MAP2: variants seen among roughly 807,000 people sequenced by gnomAD.
MAP2 encodes microtubule-associated protein 2.
MAP2 carries 14 observed loss-of-function variants against 137.6 expected under a neutral mutation model. The observed-to-expected ratio is 0.10, with a 90% CI of 0.07 to 0.16. The LOEUF (loss-of-function observed/expected upper bound fraction) is 0.16. Ranked by LOEUF, MAP2 falls within the 10% of genes least tolerant of loss-of-function variation. The pLI is 1.00. For missense variants in MAP2, 2,088 were observed against 2,191.5 expected (o/e 0.95, Z 0.94); for synonymous variants, 786 against 782.3 (o/e 1.00, Z -0.08).
intron 2 of MAP2, among the ~76,000 whole-genome samples, chr2:209,525,853 G>C (rs2063958296): frequency 6.6e-6 from 1 of 152,078 alleles, no homozygotes; most frequent in African/African-American, 2.4e-5. Context: ...TCCTAAGAAA[G>C]TCTGGGGAAA....
chr2:209,685,356 G>A (rs765726149), intron 7 of MAP2, among the ~76,000 whole-genome samples: 4 of 152,044 alleles, frequency 2.6e-5, no homozygotes, highest in Admixed American at 6.5e-5. Flanking sequence ...TGCATTGGGA[G>A]TGATCCAGAT....
intron 2 of MAP2, among the ~76,000 whole-genome samples, chr2:209,558,997 G>A (rs2071345475): frequency 6.6e-6 from 1 of 151,982 alleles, no homozygotes; most frequent in Non-Finnish European, 1.5e-5. Context: ...ATACTTCAAG[G>A]CCATGGGAAT....
chr2:209,524,252 A>C (rs998263606), intron 2 of MAP2, among the ~76,000 whole-genome samples: 1 of 152,154 alleles, frequency 6.6e-6, no homozygotes, highest in East Asian at 1.9e-4. Flanking sequence ...CAATTTTAAT[A>C]GTTATTTGTA....
At chr2:209,720,082 G>A (rs571448697) in intron 13 of MAP2, among the ~76,000 whole-genome samples, 1 of 152,256 alleles carries the variant, frequency 6.6e-6, no homozygotes, top group African/African-American at 2.4e-5. Flanking sequence ...ATAGAATATA[G>A]CAGAGTCTGG....
Position 209,730,534 on chromosome 2 carries a change from CA to C in MAP2, c.*139del. On this transcript the variant is annotated 3_prime_UTR_variant, in exon 16 of 16. Transcript: ENST00000682079. ...CATCCCCAAACTGTAGTAATTGTTACAATTTTCTATTTAAAAAATGAATAGT... is the reference window on the plus strand; with the variant it reads ...CATCCCCAAACTGTAGTAATTGTTACATTTTCTATTTAAAAAATGAATAGT... 1.5e-6 allele frequency: 1 copy of C among 662,030 alleles called. No individual in the cohort carries two copies. Among genetic ancestry groups the C allele is most frequent in the Non-Finnish European group, 2.5e-6 (1 of 393,124 alleles). 41.0% of individuals were successfully genotyped at this position (662,030 alleles called of 1,614,324 possible). A position where few individuals can be genotyped will look rare whatever the true frequency, so the allele number is the denominator to read the frequency against.
chr2:209,705,653 G>T lies in MAP2; in HGVS notation c.4658G>T (p.Gly1553Val), dbSNP rs2063180196. The change falls in exon 12 of 16, where the codon GGT (glycine) becomes GTT (valine). Residue 1553 changes from glycine to valine, a missense_variant. This residue lies in a region of MAP2 where 591 missense variants were observed against 642.6 expected (regional missense o/e 0.92). Transcript: ENST00000682079. ...TCCTCCATTCTCCCTCCTCGGCGAG[G>T]TGTGTCAGGAGACAGAGATGAGAAT... ...RPSSILPPRR[G>V]VSGDRDENSF... The T allele has an allele frequency of 6.2e-7, 1 of 1,613,298 alleles. No individual in the cohort carries two copies. Among genetic ancestry groups the T allele is most frequent in the Non-Finnish European group, 8.5e-7 (1 of 1,179,456 alleles).
intron 1 of MAP2, among the ~76,000 whole-genome samples, chr2:209,471,195 A>G (rs1705625955): frequency 6.6e-6 from 1 of 152,124 alleles, no homozygotes; most frequent in African/African-American, 2.4e-5. Context: ...CTTCTAGTTC[A>G]CATTCTCACC....
At chr2:209,446,218 T>G (rs1324558985) in intron 1 of MAP2, among the ~76,000 whole-genome samples, 1 of 151,856 alleles carries the variant, frequency 6.6e-6, no homozygotes, top group Non-Finnish European at 1.5e-5. Context: ...CATACATTGC[T>G]AAATGTGGTT....
chr2:209,596,229 A>T (rs1032444433), intron 3 of MAP2, among the ~76,000 whole-genome samples: 21 of 152,200 alleles, frequency 1.4e-4, no homozygotes, highest in African/African-American at 5.1e-4. Flanking sequence ...ACTTCAACGT[A>T]CTGGAAACCA....
chr2:209,631,040 G>C (rs1274005979), intron 4 of MAP2, among the ~76,000 whole-genome samples: 1 of 59,990 alleles, frequency 1.7e-5, no homozygotes, highest in Non-Finnish European at 4.7e-5. Context: ...AAAAAAGAGA[G>C]AGAGAGAGCG....
intron 1 of MAP2, among the ~76,000 whole-genome samples, chr2:209,478,485 G>A (rs551589291): frequency 1.6e-4 from 25 of 152,194 alleles, no homozygotes; most frequent in Admixed American, 1.0e-3. Context: ...AATGTATCTG[G>A]ATATTTGAAA....
intron 2 of MAP2, among the ~76,000 whole-genome samples, chr2:209,548,511 A>T (rs1189452416): frequency 1.3e-5 from 2 of 152,212 alleles, no homozygotes; most frequent in Non-Finnish European, 2.9e-5. Context: ...TTCAGATGTC[A>T]TAGAAATGAC....
intron 4 of MAP2, among the ~76,000 whole-genome samples, chr2:209,636,556 G>A (rs10167417): frequency 0.063 from 8,710 of 137,750 alleles, 592 homozygotes; most frequent in South Asian, 0.24. Flanking sequence ...TGTTATATAC[G>A]TATATATTAT....
At chr2:209,676,153 G>A (rs908059720) in intron 5 of MAP2, among the ~76,000 whole-genome samples, 2 of 151,832 alleles carry the variant, frequency 1.3e-5, no homozygotes. Context: ...GCCCATCAAT[G>A]ATAGATTGGA....
In MAP2 at chr2:209,512,692, A is replaced by G. The variant is rs148232303; in HGVS notation, c.-172+5051A>G. ...GGCCTCACTCTGTTGCCCGGACTGG[A>G]ATGGAGTGGTACAATCATAGCTTAG... On this transcript the variant is annotated intron_variant, in intron 2 of 15. Transcript: ENST00000682079. 4.8e-3 allele frequency among the ~76,000 whole-genome samples: 732 copies of G among 152,090 alleles called. 6 individuals are homozygous for G. The highest frequency in any genetic ancestry group is 0.016 in the African/African-American group (668 of 41,510).
chr2:209,677,305 T>TA lies in MAP2; in HGVS notation c.263-1264dup, dbSNP rs548963084. On this transcript the variant is annotated intron_variant, in intron 5 of 15. Coordinates refer to ENST00000682079, the MANE Select transcript of MAP2 (RefSeq NM_001375505.1). The stretch of plus-strand genomic sequence containing the variant: ...AAATAAAATAGTCATCTTCTAAAGG[T>TA]AAACTATCACAATATCTAACATGGT... 1.9e-3 allele frequency among the ~76,000 whole-genome samples: 287 copies of TA among 152,102 alleles called. 1 individual carries two copies. Among genetic ancestry groups the TA allele is most frequent in the African/African-American group, 6.5e-3 (272 of 41,534 alleles).
At chr2:209,545,803 T>C (rs2067936452) in intron 2 of MAP2, among the ~76,000 whole-genome samples, 1 of 152,216 alleles carries the variant, frequency 6.6e-6, no homozygotes, top group African/African-American at 2.4e-5. Context: ...AGTACTGAAT[T>C]AAATTCACAT....
At chr2:209,506,046 C>T (rs2061012223) in intron 1 of MAP2, among the ~76,000 whole-genome samples, 1 of 151,950 alleles carries the variant, frequency 6.6e-6, no homozygotes, top group African/African-American at 2.4e-5. Flanking sequence ...CCTGGACCAC[C>T]ATGACAGTTA....
intron 13 of MAP2, among the ~76,000 whole-genome samples, chr2:209,723,417 A>G (rs2072232328): frequency 6.6e-6 from 1 of 152,202 alleles, no homozygotes; most frequent in South Asian, 2.1e-4. Flanking sequence ...GTGCAGAAGA[A>G]TAGGGGCTCA....
Sources: allele counts gnomAD v4.1 joint callset (sites outside exome capture counted in the v4.1 genomes callset), GRCh38; gene constraint gnomAD v4.1.1; regional missense constraint gnomAD v4.1.1; transcripts MANE v1.5; gene names NCBI Gene and HGNC (gene_info 2026-07-23, HGNC 2026-07-21).